The following STK33 variants were observed in gnomAD, a reference collection of about 807,000 sequenced individuals.
The protein encoded by STK33 is serine/threonine kinase 33.
A neutral mutation model predicts 58.0 loss-of-function variants in STK33; 52 were observed. The observed-to-expected ratio is 0.90, with a 90% CI of 0.72 to 1.13. The LOEUF (loss-of-function observed/expected upper bound fraction) is 1.13. Ranked by LOEUF, STK33 falls within the 50% of genes most tolerant of loss-of-function variation. STK33 has a pLI of 0.00. For synonymous variants in STK33, 215 were observed against 200.1 expected, an observed-to-expected ratio of 1.07 and a Z score of -0.63; for missense variants, 630 against 604.2, an observed-to-expected ratio of 1.04 and a Z score of -0.45.
chr11:8,485,047 T>C (rs1158210128), intron 1 of STK33, among the ~76,000 whole-genome samples: 1 of 152,194 alleles, frequency 6.6e-6, no homozygotes, highest in Non-Finnish European at 1.5e-5. Context: ...TCTGTAACAT[T>C]TGAAAAAATA....
At chr11:8,452,278 T>C (rs1346824650) in intron 11 of STK33, among the ~76,000 whole-genome samples, 1 of 152,080 alleles carries the variant, frequency 6.6e-6, no homozygotes, top group African/African-American at 2.4e-5. Context: ...AAGTTTGGGG[T>C]ATGATTACCT....
chr11:8,522,481 A>T (rs80073648), intron 1 of STK33, among the ~76,000 whole-genome samples: 2 of 151,816 alleles, frequency 1.3e-5, no homozygotes, highest in African/African-American at 4.8e-5. Flanking sequence ...AAAAAAAAAA[A>T]GAATGAAATT....
chr11:8,400,275 T>C (rs1398236061), intron 15 of STK33, among the ~76,000 whole-genome samples: 4 of 152,196 alleles, frequency 2.6e-5, no homozygotes, highest in African/African-American at 4.8e-5. Flanking sequence ...TCCACCATGA[T>C]CAAGCCGGCT....
chr11:8,448,833 AGAG>A (rs1157244138), intron 11 of STK33, among the ~76,000 whole-genome samples: 1 of 152,226 alleles, frequency 6.6e-6, no homozygotes, highest in African/African-American at 2.4e-5. Flanking sequence ...AACTACCATC[AGAG>A]TGCACAGGCA....
Position 8,579,100 on chromosome 11 carries a change from T to A in STK33, c.-466+14983A>T, listed in dbSNP as rs187034358. 3.1e-4 allele frequency among the ~76,000 whole-genome samples: 47 copies of A among 152,120 alleles called. 1 individual carries two copies. On this transcript the variant is annotated intron_variant, in intron 1 of 15. Coordinates refer to ENST00000687296, the MANE Select transcript of STK33 (RefSeq NM_001352389.2). ...TTTTTTCTTATTCTGAATGAAAAAA[T>A]TTTGCTAGTTCTTTTAAAATGTGTG... is the stretch of plus-strand genomic sequence containing the variant.
At chr11:8,526,883 T>TAA (rs71059168) in intron 1 of STK33, among the ~76,000 whole-genome samples, 23,558 of 141,216 alleles carry the variant, frequency 0.17, 2,437 homozygotes, top group South Asian at 0.31. Flanking sequence ...GTTTATATGT[T>TAA]AAAAAAAAAA....
chr11:8,536,839 C>T (rs2140247839), intron 1 of STK33, among the ~76,000 whole-genome samples: 1 of 149,966 alleles, frequency 6.7e-6, no homozygotes, highest in East Asian at 2.0e-4. Context: ...AGTACAATGG[C>T]ATGATGATCA....
At chr11:8,374,515 G>A in the STK33 span, among the ~76,000 whole-genome samples, 5 of 152,346 alleles carry the variant, frequency 3.3e-5, no homozygotes, top group African/African-American at 1.2e-4. Flanking sequence ...CTCACTGGCA[G>A]AGAAAGAGAG....
In STK33 at chr11:8,464,632, G is replaced by C. The variant is rs995672014; in HGVS notation, c.453+77C>G. The C allele has an allele frequency of 1.3e-5, 13 of 972,324 alleles. No individual in the cohort carries two copies. In the African/African-American group the frequency reaches 2.1e-4, roughly 16 times the overall value. 60.2% of individuals were successfully genotyped at this position (972,324 alleles called of 1,614,324 possible). A position where few individuals can be genotyped will look rare whatever the true frequency, so the allele number is the denominator to read the frequency against. On this transcript the variant is annotated intron_variant, in intron 7 of 15. Coordinates refer to ENST00000687296, the MANE Select transcript of STK33 (RefSeq NM_001352389.2). ...TCAGGGTGAGAGGCAGCTTGTGTTAGTGTAAAAAGCTGTACTGTCCACACC... is the reference window on the plus strand; with the variant it reads ...TCAGGGTGAGAGGCAGCTTGTGTTACTGTAAAAAGCTGTACTGTCCACACC...
At chr11:8,356,825 G>A in the STK33 span, among the ~76,000 whole-genome samples, 1 of 152,142 alleles carries the variant, frequency 6.6e-6, no homozygotes, top group African/African-American at 2.4e-5. Flanking sequence ...GTCTATGGAG[G>A]TCCAAGGCCC....
chr11:8,534,398 C>T (rs764526942), intron 1 of STK33, among the ~76,000 whole-genome samples: 45 of 152,098 alleles, frequency 3.0e-4, no homozygotes, highest in Non-Finnish European at 5.7e-4. Context: ...AAGAACCACA[C>T]TGCAATGTTT....
chr11:8,374,099 T>C, the STK33 span, among the ~76,000 whole-genome samples: 1 of 152,246 alleles, frequency 6.6e-6, no homozygotes, highest in Non-Finnish European at 1.5e-5. Context: ...CCAAATCCAG[T>C]TAGACAGCCT....
At chr11:8,544,441 GAAT>G (rs1439767075) in intron 1 of STK33, among the ~76,000 whole-genome samples, 12 of 150,220 alleles carry the variant, frequency 8.0e-5, no homozygotes, top group Non-Finnish European at 1.3e-4. Flanking sequence ...ATACTTAGAA[GAAT>G]AATGATTGTT....
chr11:8,528,922 A>G (rs1954283884), intron 1 of STK33, among the ~76,000 whole-genome samples: 1 of 152,214 alleles, frequency 6.6e-6, no homozygotes, highest in Non-Finnish European at 1.5e-5. Flanking sequence ...AAATTACAAT[A>G]TCATTTAATC....
intron 15 of STK33, among the ~76,000 whole-genome samples, chr11:8,412,584 A>G (rs1401971930): frequency 6.6e-6 from 1 of 152,202 alleles, no homozygotes; most frequent in Non-Finnish European, 1.5e-5. Context: ...AATCTGGTCC[A>G]GGATTTACCC....
At chr11:8,519,382 G>A (rs1953155944) in intron 1 of STK33, among the ~76,000 whole-genome samples, 1 of 152,140 alleles carries the variant, frequency 6.6e-6, no homozygotes, top group Non-Finnish European at 1.5e-5. Flanking sequence ...GCCCACAAGA[G>A]AAAGCAGGAA....
intron 14 of STK33, among the ~76,000 whole-genome samples, chr11:8,429,254 C>T (rs1367380442): frequency 6.6e-6 from 1 of 152,160 alleles, no homozygotes; most frequent in Non-Finnish European, 1.5e-5. Context: ...CAATTAATTA[C>T]ATTTATGGTG....
chr11:8,558,366 A>G (rs1956905605), intron 1 of STK33, among the ~76,000 whole-genome samples: 1 of 152,086 alleles, frequency 6.6e-6, no homozygotes, highest in South Asian at 2.1e-4. Context: ...AAATGTAGCT[A>G]GGGACACAAA....
At chr11:8,423,675 C>T (rs1262242325) in intron 14 of STK33, among the ~76,000 whole-genome samples, 1 of 152,020 alleles carries the variant, frequency 6.6e-6, no homozygotes, top group African/African-American at 2.4e-5. Flanking sequence ...TGCTTGAGAA[C>T]ATGTACATTC....
Sources: allele counts gnomAD v4.1 joint callset (sites outside exome capture counted in the v4.1 genomes callset), GRCh38; gene constraint gnomAD v4.1.1; transcripts MANE v1.5; gene names NCBI Gene and HGNC (gene_info 2026-07-23, HGNC 2026-07-21).